The following CUL5 variants were observed in gnomAD, a reference collection of about 807,000 sequenced individuals.
CUL5 encodes the protein cullin-5.
CUL5 carries 26 observed loss-of-function variants against 108.8 expected under a neutral mutation model. The observed-to-expected ratio is 0.24, with a 90% confidence interval of 0.18 to 0.33. The LOEUF is 0.33. CUL5 is among the 10% of genes least tolerant of loss of function. The pLI is 1.00. For synonymous variants in CUL5, 334 were observed against 298.0 expected, an observed-to-expected ratio of 1.12 and a Z score of -1.25; for missense variants, 524 against 909.2, an observed-to-expected ratio of 0.58 and a Z score of 5.45.
intron 1 of CUL5, among the ~76,000 whole-genome samples, chr11:108,024,889 C>T (rs1862418661): frequency 6.6e-6 from 1 of 152,092 alleles, no homozygotes; most frequent in African/African-American, 2.4e-5. Flanking sequence ...TTCAAGCATC[C>T]TACTTGATTA....
At position 108,076,984 on chromosome 11, in the gene CUL5, G is replaced by A. The variant is rs563314127; in HGVS notation, c.1114-1192G>A. Reference sequence around the variant, plus strand: ...GAAATATCTGTTAAACATCCATATGGTAATGTTGAGTCTGGAGCTTAAGAG... The same window carrying A: ...GAAATATCTGTTAAACATCCATATGATAATGTTGAGTCTGGAGCTTAAGAG... On this transcript the variant is annotated intron_variant, in intron 10 of 18. Transcript: ENST00000393094. Among the ~76,000 whole-genome samples, 4 of 152,330 alleles carry A rather than the reference G, an allele frequency of 2.6e-5. No homozygotes were observed. The South Asian group carries it at 8.3e-4, about 32-fold the overall frequency.
intron 7 of CUL5, among the ~76,000 whole-genome samples, chr11:108,067,369 A>G (rs548940997): frequency 1.2e-4 from 18 of 152,344 alleles, no homozygotes; most frequent in Admixed American, 3.3e-4. Flanking sequence ...TATGTTGTCA[A>G]TTTAGCTCTC....
chr11:108,035,289 T>C (rs545759751), intron 2 of CUL5, among the ~76,000 whole-genome samples: 3 of 152,220 alleles, frequency 2.0e-5, no homozygotes, highest in Non-Finnish European at 4.4e-5. Context: ...CCATATCAGA[T>C]ACATAAGACC....
chr11:108,098,054 TTTCG>T (rs760518830), intron 17 of CUL5, among the ~76,000 whole-genome samples: 1 of 151,846 alleles, frequency 6.6e-6, no homozygotes, highest in Non-Finnish European at 1.5e-5. Flanking sequence ...TGTTGTTTTG[TTTCG>T]TTTTTGTTTT....
chr11:108,043,919 A>C (rs1863000363), intron 2 of CUL5, among the ~76,000 whole-genome samples: 1 of 152,166 alleles, frequency 6.6e-6, no homozygotes, highest in African/African-American at 2.4e-5. Context: ...GCTACTTGGG[A>C]GGCTGAGGCA....
At chr11:108,097,845 T>G (rs2135244249) in intron 17 of CUL5, 91 bp downstream of exon 17, 1 of 694,678 alleles carries the variant, frequency 1.4e-6, no homozygotes, top group Non-Finnish European at 2.5e-6. Context: ...TTACATTATA[T>G]TTAAAACATT....
Position 108,049,739 on chromosome 11 carries a change from T to A in CUL5, c.235-151T>A, listed in dbSNP as rs1281075653. On this transcript the variant is annotated intron_variant, in intron 3 of 18. Coordinates refer to ENST00000393094, the MANE Select transcript of CUL5 (RefSeq NM_003478.6). ...GCTGCTGTGAACATTCGTGTACAAG[T>A]TTTTTTGTGAACATGTTTTAATTTC... 4.8e-6 allele frequency: 3 copies of A among 630,580 alleles called. No individual in the cohort carries two copies. In the East Asian group the frequency reaches 8.6e-5, roughly 18 times the overall value. 39.1% of individuals were successfully genotyped at this position (630,580 alleles called of 1,614,324 possible). A position where few individuals can be genotyped will look rare whatever the true frequency, so the allele number is the denominator to read the frequency against.
chr11:108,068,635 A>G (rs569852991), intron 7 of CUL5, among the ~76,000 whole-genome samples: 1 of 152,302 alleles, frequency 6.6e-6, no homozygotes, highest in Admixed American at 6.5e-5. Flanking sequence ...ATTTACAGAT[A>G]GATGATTTGT....
chr11:108,085,776 C>T (rs1048266200), intron 11 of CUL5, among the ~76,000 whole-genome samples: 2 of 152,038 alleles, frequency 1.3e-5, no homozygotes. Flanking sequence ...GTTGCCCAGG[C>T]CTGGGAGGTG....
chr11:108,040,407 T>G (rs1407101630), intron 2 of CUL5, among the ~76,000 whole-genome samples: 1 of 151,930 alleles, frequency 6.6e-6, no homozygotes, highest in Non-Finnish European at 1.5e-5. Flanking sequence ...AGGTCAGGAG[T>G]TCGATACCAC....
intron 7 of CUL5, among the ~76,000 whole-genome samples, chr11:108,067,035 G>A (rs908229960): frequency 2.0e-5 from 3 of 152,128 alleles, no homozygotes; most frequent in Non-Finnish European, 2.9e-5. Flanking sequence ...AGAAAAGTTG[G>A]AGGCTATGGA....
chr11:108,027,685 G>A (rs1397423022), intron 1 of CUL5, among the ~76,000 whole-genome samples: 9 of 152,122 alleles, frequency 5.9e-5, no homozygotes, highest in African/African-American at 1.7e-4. Flanking sequence ...GGGATTACAA[G>A]CATGAACTAT....
intron 17 of CUL5, among the ~76,000 whole-genome samples, 191 bp downstream of exon 17, chr11:108,097,945 C>T (rs1285781564): frequency 1.1e-4 from 16 of 152,112 alleles, no homozygotes; most frequent in Admixed American, 9.8e-4. Context: ...TTCATTGATA[C>T]ATTTTTGGTC....
rs57114718 is a variant in CUL5 at position 108,028,696 on chromosome 11, C to T, written c.25-5106C>T. Among the ~76,000 whole-genome samples the T allele has an allele frequency of 9.9e-5, 15 of 152,092 alleles. No individual in the cohort carries two copies. In the East Asian group the frequency reaches 2.7e-3, roughly 27 times the overall value. On this transcript the variant is annotated intron_variant, in intron 1 of 18. Coordinates refer to ENST00000393094, the MANE Select transcript of CUL5 (RefSeq NM_003478.6). Reference sequence around the variant, plus strand: ...TACTAAAATACAAAAATTAGCTGAGCGTGGTGGTGCACACCTGTAATCCCA... The same window carrying T: ...TACTAAAATACAAAAATTAGCTGAGTGTGGTGGTGCACACCTGTAATCCCA...
At chr11:108,054,048 A>G (rs867761330) in intron 5 of CUL5, among the ~76,000 whole-genome samples, 3 of 152,010 alleles carry the variant, frequency 2.0e-5, no homozygotes, top group African/African-American at 7.2e-5. Context: ...GTTTTGCCAT[A>G]GTGGCCAGGC....
intron 1 of CUL5, among the ~76,000 whole-genome samples, chr11:108,023,906 T>C (rs1862389970): frequency 6.6e-6 from 1 of 152,196 alleles, no homozygotes; most frequent in Non-Finnish European, 1.5e-5. Flanking sequence ...GATATTTAAC[T>C]TCTTGGAAAA....
In CUL5 at chr11:108,104,264, T is replaced by C. The variant is rs781537871; in HGVS notation, c.2223T>C (p.Ile741=). The C allele has an allele frequency of 1.2e-6, 2 of 1,609,984 alleles. No homozygotes were observed. Among genetic ancestry groups the C allele is most frequent in the Non-Finnish European group, 1.7e-6 (2 of 1,178,752 alleles). The change falls in exon 19 of 19, where the codon ATT becomes ATC. Residue 741 remains isoleucine (I), a synonymous_variant. Transcript: ENST00000393094. ...AGCTGCAGACTGAATTAGTAGAAATTTTGAAAAACATGTTCTTGCCACAAA... is the reference window on the plus strand; with the variant it reads ...AGCTGCAGACTGAATTAGTAGAAATCTTGAAAAACATGTTCTTGCCACAAA... ...NAQLQTELVE[I]LKNMFLPQKK... is the part of the protein sequence containing the mutation.
At chr11:108,042,826 A>G (rs1383325243) in intron 2 of CUL5, among the ~76,000 whole-genome samples, 1 of 151,864 alleles carries the variant, frequency 6.6e-6, no homozygotes, top group East Asian at 1.9e-4. Flanking sequence ...GCAGAAGTGC[A>G]GTCTTCGCTC....
At chr11:108,098,552 C>G (rs1591336266) in intron 18 of CUL5, 23 bp downstream of exon 18, 1 of 1,414,068 alleles carries the variant, frequency 7.1e-7, no homozygotes, top group African/African-American at 1.5e-5. Context: ...GACAGAATGT[C>G]TGAAGTTTAA....
Sources: gnomAD v4.1 joint callset for allele counts (sites outside exome capture counted in the v4.1 genomes callset) on GRCh38, gnomAD v4.1.1 for gene constraint, MANE v1.5 for transcripts, NCBI Gene and HGNC (gene_info 2026-07-23, HGNC 2026-07-21) for gene names.